The following SLC25A26 variants were observed in gnomAD, a reference collection of about 807,000 sequenced individuals.
The protein encoded by SLC25A26 is mitochondrial S-adenosylmethionine carrier protein.
A neutral mutation model predicts 37.8 loss-of-function variants in SLC25A26; 36 were observed. The observed-to-expected ratio is 0.95, with a 90% CI of 0.73 to 1.26. SLC25A26 has a LOEUF of 1.26. Ranked by LOEUF, SLC25A26 falls within the 50% of genes most tolerant of loss-of-function variation. The probability of loss-of-function intolerance (pLI) is 0.00; values close to 1 mark genes in which losing one functional copy is unlikely to be tolerated. For synonymous variants in SLC25A26, 129 were observed against 122.5 expected (o/e 1.05, Z -0.35); for missense variants, 390 against 331.1 (o/e 1.18, Z -1.38).
chr3:66,226,183 C>T (rs2071741702), intron 1 of SLC25A26, among the ~76,000 whole-genome samples: 1 of 152,198 alleles, frequency 6.6e-6, no homozygotes. Context: ...AATGGACTAA[C>T]AGTTCCACAT....
At chr3:66,295,756 C>A (rs1436031057) in intron 5 of SLC25A26, among the ~76,000 whole-genome samples, 1 of 151,694 alleles carries the variant, frequency 6.6e-6, no homozygotes, top group African/African-American at 2.4e-5. Flanking sequence ...CCTTGGCCTC[C>A]CAAAGTGCTG....
intron 1 of SLC25A26, among the ~76,000 whole-genome samples, chr3:66,200,299 C>G (rs2071092210): frequency 6.6e-6 from 1 of 152,198 alleles, no homozygotes; most frequent in Non-Finnish European, 1.5e-5. Flanking sequence ...CACCTACTGC[C>G]TCTCGTCTTT....
intron 5 of SLC25A26, among the ~76,000 whole-genome samples, chr3:66,331,101 CTATA>C (rs770584153): frequency 2.0e-5 from 3 of 152,006 alleles, no homozygotes; most frequent in Non-Finnish European, 2.9e-5. Context: ...GTTTTTATAT[CTATA>C]TATAACTCTG....
At chr3:66,317,082 C>T (rs933551317) in intron 5 of SLC25A26, among the ~76,000 whole-genome samples, 1 of 152,150 alleles carries the variant, frequency 6.6e-6, no homozygotes, top group African/African-American at 2.4e-5. Flanking sequence ...CATTACTACC[C>T]ATCTTCTGAA....
chr3:66,216,949 G>A (rs2071370959), upstream of SLC25A26, among the ~76,000 whole-genome samples: 1 of 152,136 alleles, frequency 6.6e-6, no homozygotes, highest in African/African-American at 2.4e-5. Context: ...TCATGAAAAG[G>A]AAGCCCTAGG....
At chr3:66,259,741 C>A (rs1394878708) in intron 3 of SLC25A26, among the ~76,000 whole-genome samples, 1 of 152,196 alleles carries the variant, frequency 6.6e-6, no homozygotes, top group Admixed American at 6.5e-5. Context: ...TTCCTCCCCA[C>A]CCTCCAGCTG....
rs546892551 is a variant in SLC25A26 at position 66,244,509 on chromosome 3, A to G, written c.300+1197A>G. ...ACTTTGCACCCAACAAGTAAAGAAG[A>G]TAGACTTTTTCAAGCATAATTGGAA... On this transcript the variant is annotated intron_variant, in intron 3 of 9. Transcript: ENST00000354883. 8.0e-4 allele frequency among the ~76,000 whole-genome samples: 122 copies of G among 152,348 alleles called. No individual in the cohort carries two copies. The Middle Eastern group carries it at 0.01, about 13-fold the overall frequency.
At chr3:66,285,145 C>T (rs138848941) in intron 5 of SLC25A26, among the ~76,000 whole-genome samples, 25 of 152,070 alleles carry the variant, frequency 1.6e-4, no homozygotes, top group African/African-American at 5.5e-4. Flanking sequence ...TTAAACAATC[C>T]ATATGAATTA....
intron 5 of SLC25A26, among the ~76,000 whole-genome samples, chr3:66,272,410 A>G (rs1375133561): frequency 2.0e-5 from 3 of 152,174 alleles, no homozygotes; most frequent in African/African-American, 7.2e-5. Context: ...TTAAGCCTTT[A>G]GATAGGCGTT....
At chr3:66,224,670 A>G (rs2071657387) in intron 1 of SLC25A26, among the ~76,000 whole-genome samples, 1 of 152,170 alleles carries the variant, frequency 6.6e-6, no homozygotes, top group Admixed American at 6.5e-5. Flanking sequence ...ACAGTCCCCA[A>G]AGTCTTAACT....
chr3:66,164,580 T>C (rs1559556801), intron 1 of SLC25A26, among the ~76,000 whole-genome samples: 1 of 152,194 alleles, frequency 6.6e-6, no homozygotes, highest in East Asian at 1.9e-4. Context: ...AAAATAGGAT[T>C]ACCGTCAATG....
At chr3:66,372,406 T>A (rs1031395178) in intron 9 of SLC25A26, among the ~76,000 whole-genome samples, 1 of 152,062 alleles carries the variant, frequency 6.6e-6, no homozygotes, top group Non-Finnish European at 1.5e-5. Context: ...TTATGTTGAG[T>A]AGATGATTGA....
At chr3:66,285,825 G>T (rs988406551) in intron 5 of SLC25A26, among the ~76,000 whole-genome samples, 10 of 152,090 alleles carry the variant, frequency 6.6e-5, no homozygotes, top group African/African-American at 2.4e-4. Flanking sequence ...GAACCACATT[G>T]CCCTTCTGGG....
In SLC25A26 at chr3:66,372,263, A is replaced by G. The variant is rs1700389017; in HGVS notation, c.707+1661A>G. Among the ~76,000 whole-genome samples, 3 of 152,326 alleles carry G rather than the reference A, an allele frequency of 2.0e-5. No homozygotes were observed. The South Asian group carries it at 6.2e-4, about 32-fold the overall frequency. ...TTGATTCTGTGGCAACTGTTGGGCA[A>G]ACCACTTCAATTGACCTTAGCTTTG... is the stretch of plus-strand genomic sequence containing the variant. On this transcript the variant is annotated intron_variant, in intron 9 of 9. Transcript: ENST00000354883.
At chr3:66,354,959 CTT>C (rs2076542338) in intron 6 of SLC25A26, among the ~76,000 whole-genome samples, 1 of 152,162 alleles carries the variant, frequency 6.6e-6, no homozygotes, top group Non-Finnish European at 1.5e-5. Flanking sequence ...AATTAAACCT[CTT>C]TCTTTTGTAC....
rs1472070595 is a variant in SLC25A26 at position 66,222,473 on chromosome 3, G to A, written c.33+1346G>A. On this transcript the variant is annotated intron_variant, in intron 1 of 9. Coordinates refer to ENST00000354883, the MANE Select transcript of SLC25A26 (RefSeq NM_001379210.1). ...TGGGACTACAGGCGTGAGCCACGGC[G>A]CCTGGCCAATGTTACCGCTTTTAAG... Among the ~76,000 whole-genome samples the A allele has an allele frequency of 5.9e-5, 9 of 152,186 alleles. No individual in the cohort carries two copies. In the East Asian group the frequency reaches 1.5e-3, roughly 26 times the overall value.
chr3:66,150,607 T>G (rs1204721360), intron 1 of SLC25A26, among the ~76,000 whole-genome samples: 41 of 4,086 alleles, frequency 0.01, no homozygotes, highest in East Asian at 0.046. Context: ...TAATGAGATA[T>G]ATATATATAT....
intron 1 of SLC25A26, among the ~76,000 whole-genome samples, chr3:66,162,850 G>A (rs565220898): frequency 6.6e-6 from 1 of 152,314 alleles, no homozygotes; most frequent in East Asian, 1.9e-4. Flanking sequence ...TTGTATAGAT[G>A]CTCCCATTTC....
chr3:66,149,067 G>A lies in SLC25A26; in HGVS notation c.-354+15083G>A, dbSNP rs150250601. 4.5e-4 allele frequency among the ~76,000 whole-genome samples: 68 copies of A among 152,208 alleles called. No individual in the cohort carries two copies. In the East Asian group the frequency reaches 0.011, roughly 25 times the overall value. ...ACCTGCTTCCTTTGCTGTGGGGTGCGGTGTGACTCAGGCTGGATAAACAAC... is the reference window on the plus strand; with the variant it reads ...ACCTGCTTCCTTTGCTGTGGGGTGCAGTGTGACTCAGGCTGGATAAACAAC... On this transcript the variant is annotated intron_variant, in intron 1 of 10. Coordinates refer to the SLC25A26 transcript ENST00000676754.
Sources: allele counts gnomAD v4.1 joint callset (sites outside exome capture counted in the v4.1 genomes callset), GRCh38; gene constraint gnomAD v4.1.1; transcripts MANE v1.5; gene names NCBI Gene and HGNC (gene_info 2026-07-23, HGNC 2026-07-21).